ACSF3: variants seen among roughly 807,000 people sequenced by gnomAD.
ACSF3 encodes malonate--CoA ligase ACSF3, mitochondrial.
Under a neutral mutation model 53.2 loss-of-function variants are expected in ACSF3, and 78 were observed. The ratio of observed to expected loss-of-function variants is 1.47; its 90% CI spans 1.22 to 1.77. The LOEUF (loss-of-function observed/expected upper bound fraction) is 1.77. Ranked by LOEUF, ACSF3 falls within the 40% of genes most tolerant of loss-of-function variation. ACSF3 has a pLI of 0.00. For missense variants in ACSF3, 937 were observed against 771.1 expected (o/e 1.22, Z -2.55); for synonymous variants, 414 against 333.1 (o/e 1.24, Z -2.65).
intron 7 of ACSF3, among the ~76,000 whole-genome samples, chr16:89,127,060 A>G (rs2151500410): frequency 6.6e-6 from 1 of 152,316 alleles, no homozygotes; most frequent in South Asian, 2.1e-4. Flanking sequence ...CATTCCCAGG[A>G]CAAACCCCAC....
intron 6 of ACSF3, among the ~76,000 whole-genome samples, chr16:89,117,965 G>T (rs1256673036): frequency 9.0e-6 from 1 of 110,944 alleles, no homozygotes; most frequent in Non-Finnish European, 2.0e-5. Context: ...GTTCCCTCAG[G>T]CGCCAAGGAC....
chr16:89,137,115 G>C (rs1305657615), intron 8 of ACSF3, among the ~76,000 whole-genome samples: 1 of 152,236 alleles, frequency 6.6e-6, no homozygotes, highest in African/African-American at 2.4e-5. Flanking sequence ...GGGGCATCCA[G>C]GGGTCAGGAG....
Position 89,146,000 on chromosome 16 carries a change from C to T in ACSF3, c.1564C>T (p.Leu522Phe), listed in dbSNP as rs763350039. Residue 522 changes from leucine (L) to phenylalanine (F), a missense_variant, in exon 10 of 11, where the codon CTC (leucine) becomes TTC (phenylalanine). Coordinates refer to ENST00000614302, the MANE Select transcript of ACSF3 (RefSeq NM_001243279.3). ...CCAGCGGGTCACTGCTGTGGTGACC[C>T]TCCGAGAAGGACACTCACTGTCCCA... ...WGQRVTAVVT[L>F]REGHSLSHRE... 1 of 1,613,750 alleles carries T rather than the reference C, an allele frequency of 6.2e-7. No individual in the cohort carries two copies. Among genetic ancestry groups the T allele is most frequent in the Non-Finnish European group, 8.5e-7 (1 of 1,179,896 alleles).
intron 7 of ACSF3, chr16:89,122,978 A>C (rs930857485): frequency 1.3e-5 from 2 of 152,348 alleles, no homozygotes; most frequent in African/African-American, 2.4e-5. Context: ...GAGACACCGC[A>C]CAGGGGCCTC....
intron 5 of ACSF3, chr16:89,113,101 G>A (rs1306357390): frequency 6.6e-6 from 1 of 152,306 alleles, no homozygotes; most frequent in East Asian, 1.9e-4. Flanking sequence ...GCACACGTGT[G>A]GCTCAGTGAG....
chr16:89,138,937 G>T (rs1911164479), intron 8 of ACSF3, among the ~76,000 whole-genome samples: 1 of 152,242 alleles, frequency 6.6e-6, no homozygotes, highest in Admixed American at 6.5e-5. Context: ...TTGAGAAGAA[G>T]AATCACAGCC....
chr16:89,101,040 G>T lies in ACSF3; in HGVS notation c.359G>T (p.Gly120Val). 6.2e-7 allele frequency: 1 copy of T among 1,614,008 alleles called. No homozygotes were observed. Among genetic ancestry groups the T allele is most frequent in the Non-Finnish European group, 8.5e-7 (1 of 1,179,950 alleles). ...VAQWASWMSG[G>V]VAVPLYRKHP... ...CAGTGGGCGTCATGGATGAGTGGCGGTGTGGCAGTCCCCCTCTACAGGAAG... is the reference window on the plus strand; with the variant it reads ...CAGTGGGCGTCATGGATGAGTGGCGTTGTGGCAGTCCCCCTCTACAGGAAG... Residue 120 changes from glycine to valine, a missense_variant, in exon 3 of 11, where the codon GGT (glycine) becomes GTT (valine). Physicochemically the swap from Gly to Val is moderately radical, Grantham distance 109 (BLOSUM62 -3). Coordinates refer to ENST00000614302, the MANE Select transcript of ACSF3 (RefSeq NM_001243279.3).
chr16:89,116,876 C>T (rs533221033), intron 6 of ACSF3, among the ~76,000 whole-genome samples: 3 of 152,280 alleles, frequency 2.0e-5, no homozygotes, highest in East Asian at 1.9e-4. Flanking sequence ...ACGATGGCTG[C>T]GGCACCAGCT....
chr16:89,114,135 CA>C, intron 5 of ACSF3: 2 of 666,392 alleles, frequency 3.0e-6, no homozygotes, highest in Non-Finnish European at 5.3e-6. Context: ...TTTCAAAAAA[CA>C]AAGTCACGCC....
intron 8 of ACSF3, chr16:89,141,259 AAAGGCAC>A (rs1911701774): frequency 7.8e-7 from 1 of 1,287,134 alleles, no homozygotes; most frequent in Non-Finnish European, 1.0e-6. Context: ...TCCCCTTGGC[AAAGGCAC>A]AGCAAGGCGG....
intron 7 of ACSF3, among the ~76,000 whole-genome samples, chr16:89,123,432 A>G (rs942412535): frequency 6.6e-6 from 1 of 152,170 alleles, no homozygotes; most frequent in Admixed American, 6.5e-5. Flanking sequence ...TTCTCTCCAC[A>G]GCATCCCAGA....
chr16:89,113,659 C>T, intron 5 of ACSF3: 1 of 168,444 alleles, frequency 5.9e-6, no homozygotes, highest in South Asian at 1.3e-4. Flanking sequence ...GACCACTCCG[C>T]TCAGACCGCA....
chr16:89,133,373 A>C (rs1479728703), intron 8 of ACSF3, 111 bp downstream of exon 8: 3 of 1,466,802 alleles, frequency 2.0e-6, no homozygotes, highest in African/African-American at 2.8e-5. Context: ...TTTTCAGCCA[A>C]AGGCAGAAGA....
intron 6 of ACSF3, among the ~76,000 whole-genome samples, chr16:89,119,207 C>T (rs1040547162): frequency 9.2e-5 from 14 of 152,240 alleles, no homozygotes; most frequent in Non-Finnish European, 2.1e-4. Flanking sequence ...TCTTCAGCCT[C>T]TGCAGATGGT....
intron 5 of ACSF3, 119 bp from the exon 6 acceptor site, chr16:89,114,220 C>T (rs1370846841): frequency 1.1e-5 from 15 of 1,394,808 alleles, no homozygotes; most frequent in East Asian, 2.4e-5. Flanking sequence ...CTCCTGCACT[C>T]GTGAAGGAGC....
intron 6 of ACSF3, among the ~76,000 whole-genome samples, chr16:89,119,061 G>A (rs919566464): frequency 2.0e-5 from 3 of 151,970 alleles, no homozygotes; most frequent in African/African-American, 7.2e-5. Flanking sequence ...AAGCTTTCAT[G>A]GGTGGCACCT....
At chr16:89,143,681 C>T (rs556200798) in intron 8 of ACSF3, among the ~76,000 whole-genome samples, 5 of 152,168 alleles carry the variant, frequency 3.3e-5, no homozygotes, top group African/African-American at 1.2e-4. Flanking sequence ...CTGCACACCC[C>T]CTTCCAGCCG....
intron 1 of ACSF3, among the ~76,000 whole-genome samples, chr16:89,094,294 A>G (rs1464018222): frequency 6.6e-6 from 1 of 152,066 alleles, no homozygotes; most frequent in African/African-American, 2.4e-5. Flanking sequence ...CCTCAGAACG[A>G]ATCGTCTTTG....
Position 89,145,821 on chromosome 16 carries a change from A to G in ACSF3, c.1502-117A>G, listed in dbSNP as rs539648815. ...CGAGTGATTGGAGTGGGGCCTGTCC[A>G]AGGACGGGCTCCAGGGCTGCGGCCA... is the stretch of plus-strand genomic sequence containing the variant. On this transcript the variant is annotated intron_variant, in intron 9 of 10. Transcript: ENST00000614302. The G allele has an allele frequency of 1.4e-5, 13 of 922,428 alleles. No homozygotes were observed. The African/African-American group carries it at 1.9e-4, about 14-fold the overall frequency. The allele number at this position is 922,428 out of a possible 1,614,324, so 57.1% of individuals were successfully genotyped here.
Sources: allele counts gnomAD v4.1 joint callset (sites outside exome capture counted in the v4.1 genomes callset), GRCh38; gene constraint gnomAD v4.1.1; transcripts MANE v1.5; gene names NCBI Gene and HGNC (gene_info 2026-07-23, HGNC 2026-07-21).